MTMR3: variants seen among roughly 807,000 people sequenced by gnomAD.
MTMR3 encodes the protein phosphatidylinositol-3,5-bisphosphate 3-phosphatase MTMR3.
Under a neutral mutation model 132.4 loss-of-function variants are expected in MTMR3, and 32 were observed. The ratio of observed to expected loss-of-function variants is 0.24; its 90% CI spans 0.18 to 0.32. The LOEUF is 0.32. Ranked by LOEUF, MTMR3 falls within the 10% of genes least tolerant of loss-of-function variation. The probability of loss-of-function intolerance (pLI) is 1.00; values close to 1 mark genes in which losing one functional copy is unlikely to be tolerated. For missense variants in MTMR3, 1,216 were observed against 1,489.6 expected, an observed-to-expected ratio of 0.82 and a Z score of 3.02; for synonymous variants, 556 against 550.3, an observed-to-expected ratio of 1.01 and a Z score of -0.14.
In MTMR3 at chr22:30,019,940, T is replaced by C. The variant is rs139080545; in HGVS notation, c.2281T>C (p.Phe761Leu). 6.8e-6 allele frequency: 11 copies of C among 1,614,140 alleles called. No individual in the cohort carries two copies. The African/African-American group carries it at 1.2e-4, about 18-fold the overall frequency. ...CCATCTGGATATGAGCTGGCCTCTG[T>C]TCTCACAGGGCATTTCTGAACAGCA... The part of the protein sequence containing the change: ...RSHLDMSWPL[F>L]SQGISEQQSG... The change falls in exon 17 of 20, where the codon TTC (phenylalanine) becomes CTC (leucine). Residue 761 changes from phenylalanine to leucine, a missense_variant. Physicochemically the swap from Phe to Leu is conservative, Grantham distance 22. Transcript: ENST00000401950.
In MTMR3 at chr22:30,025,388, T is replaced by C. The variant is rs2067890150; in HGVS notation, c.3426-242T>C. 3 of 550,882 alleles carry C rather than the reference T, an allele frequency of 5.4e-6. No individual in the cohort carries two copies. In the African/African-American group the frequency reaches 5.7e-5, roughly 10 times the overall value. The allele number at this position is 550,882 out of a possible 1,614,324, so 34.1% of individuals were successfully genotyped here. A position where few individuals can be genotyped will look rare whatever the true frequency, so the allele number is the denominator to read the frequency against. ...TTTTGTATACCTGAGCAGCATTCTT[T>C]TGAGTCAGTGGTGAGGCAGCCAAGA... On this transcript the variant is annotated intron_variant, in intron 19 of 19. Coordinates refer to ENST00000401950, the MANE Select transcript of MTMR3 (RefSeq NM_021090.4).
At chr22:30,023,141 T>C in intron 19 of MTMR3, 1 of 436,198 alleles carries the variant, frequency 2.3e-6, no homozygotes, top group Non-Finnish European at 4.2e-6. Context: ...TGGGAAGTAG[T>C]AGAGACAGCT....
chr22:29,951,867 A>C (rs897382582), intron 1 of MTMR3, among the ~76,000 whole-genome samples: 1 of 151,556 alleles, frequency 6.6e-6, no homozygotes, highest in South Asian at 2.1e-4. Flanking sequence ...TTGCTGGTTC[A>C]AGTGATTTAT....
At chr22:29,951,316 A>G (rs1447303228) in intron 1 of MTMR3, among the ~76,000 whole-genome samples, 1 of 152,148 alleles carries the variant, frequency 6.6e-6, no homozygotes, top group Non-Finnish European at 1.5e-5. Context: ...GATATTATAT[A>G]TGGCTGATAT....
At chr22:30,022,748 C>G in intron 19 of MTMR3, 51 bp downstream of exon 19, 2 of 1,500,894 alleles carry the variant, frequency 1.3e-6, no homozygotes, top group Non-Finnish European at 1.8e-6. Flanking sequence ...GGTTGAGGGT[C>G]GGCCCACAGA....
intron 5 of MTMR3, chr22:29,981,824 A>AAC (rs1294257817): frequency 6.9e-6 from 1 of 144,398 alleles, no homozygotes; most frequent in Non-Finnish European, 1.5e-5. Context: ...CTGTCAAAAA[A>AAC]AAAAAGGAAA....
chr22:30,024,860 C>T (rs1288798761), intron 19 of MTMR3: 2 of 152,588 alleles, frequency 1.3e-5, no homozygotes, highest in African/African-American at 4.8e-5. Flanking sequence ...TGCCTCAGAA[C>T]CCAGCTTTCA....
At chr22:29,938,181 G>GA (rs1351053330) in intron 1 of MTMR3, among the ~76,000 whole-genome samples, 2 of 152,018 alleles carry the variant, frequency 1.3e-5, no homozygotes, top group Non-Finnish European at 2.9e-5. Flanking sequence ...ATTTGGTGTA[G>GA]AAATGGGTGG....
chr22:29,941,770 A>ACCATC (rs2065861678), intron 1 of MTMR3, among the ~76,000 whole-genome samples: 1 of 152,188 alleles, frequency 6.6e-6, no homozygotes, highest in Non-Finnish European at 1.5e-5. Context: ...TATGACATTT[A>ACCATC]TTACCATCTT....
Position 30,020,857 on chromosome 22 carries a change from CTTTA to C in MTMR3, c.3199_3202del (p.Phe1067MetfsTer8), listed in dbSNP as rs1389174123. On this transcript the variant is annotated frameshift_variant, in exon 17 of 20. Transcript: ENST00000401950. LOFTEE classifies it high-confidence loss of function. ...GCCAGTACCTGACCAGCTCCCTACACTTTAATGGAGACTTTGGGGATGAGGTGGT... is the reference window on the plus strand; with the variant it reads ...GCCAGTACCTGACCAGCTCCCTACACATGGAGACTTTGGGGATGAGGTGGT... The C allele has an allele frequency of 6.3e-7, 1 of 1,599,614 alleles. No individual in the cohort carries two copies. The highest frequency in any genetic ancestry group is 8.5e-7 in the Non-Finnish European group (1 of 1,172,262).
intron 1 of MTMR3, among the ~76,000 whole-genome samples, chr22:29,909,884 G>C (rs1379431973): frequency 6.8e-6 from 1 of 146,600 alleles, no homozygotes; most frequent in Non-Finnish European, 1.5e-5. Context: ...GGCCGGGTGC[G>C]GTGGCTCACG....
intron 1 of MTMR3, among the ~76,000 whole-genome samples, chr22:29,947,853 G>C (rs1298834350): frequency 6.6e-6 from 1 of 152,096 alleles, no homozygotes; most frequent in Non-Finnish European, 1.5e-5. Context: ...CTTTTCTGGG[G>C]GTATGTTGAA....
At chr22:29,883,636 T>G (rs1413339198) in intron 1 of MTMR3, among the ~76,000 whole-genome samples, 1 of 152,076 alleles carries the variant, frequency 6.6e-6, no homozygotes, top group Non-Finnish European at 1.5e-5. Context: ...GGGCTCGGGC[T>G]GCCTTCCCAG....
rs1402458654 is a variant in MTMR3 at position 29,991,522 on chromosome 22, T to C, written c.312T>C (p.Phe104=). 3.1e-6 allele frequency: 5 copies of C among 1,612,654 alleles called. No individual in the cohort carries two copies. Among genetic ancestry groups the C allele is most frequent in the Non-Finnish European group, 4.2e-6 (5 of 1,179,520 alleles). ...CKVIRCQFST[F]EQCQEWLKRL... is the part of the protein sequence containing the mutation. ...ACAAAAGGTGTCAGTTTTCAACCTT[T>C]GAGCAGTGTCAAGAGTGGCTGAAGA... The change falls in exon 7 of 20, where the codon TTT becomes TTC. Residue 104 remains phenylalanine, a synonymous_variant. Coordinates refer to ENST00000401950, the MANE Select transcript of MTMR3 (RefSeq NM_021090.4).
intron 1 of MTMR3, among the ~76,000 whole-genome samples, chr22:29,906,265 T>C (rs923181966): frequency 1.0e-3 from 86 of 86,206 alleles, no homozygotes; most frequent in East Asian, 5.3e-3. Context: ...TCTGTCTGTC[T>C]GTCTGTCTGT....
chr22:29,920,188 T>C (rs1456365761), intron 1 of MTMR3, among the ~76,000 whole-genome samples: 2 of 149,382 alleles, frequency 1.3e-5, no homozygotes, highest in Admixed American at 6.8e-5. Flanking sequence ...CACTGCAGCC[T>C]GGGCGACAGA....
intron 3 of MTMR3, among the ~76,000 whole-genome samples, chr22:29,977,636 T>C (rs937174676): frequency 1.3e-5 from 2 of 152,192 alleles, no homozygotes; most frequent in Non-Finnish European, 2.9e-5. Context: ...GTAGACACAA[T>C]GGTAGAGATA....
At position 29,979,012 on chromosome 22, in the gene MTMR3, A is replaced by G. The variant is rs766503182; in HGVS notation, c.170A>G (p.Asn57Ser). ...GAGGATGCCATCATTGCCCTTTCCAATTACAGACTTCACATCAAGTTCAAG... is the reference window on the plus strand; with the variant it reads ...GAGGATGCCATCATTGCCCTTTCCAGTTACAGACTTCACATCAAGTTCAAG... ...RAEDAIIALS[N>S]YRLHIKFKES... Residue 57 changes from asparagine (N) to serine (S), a missense_variant, in exon 5 of 20, where the codon AAT (asparagine) becomes AGT (serine). Asn to Ser is a conservative substitution (Grantham distance 46). Around this residue, in one of 7 missense-constraint regions of MTMR3, gnomAD observed 81 missense variants for 87.7 expected, o/e 0.92. Coordinates refer to ENST00000401950, the MANE Select transcript of MTMR3 (RefSeq NM_021090.4). 9.9e-5 allele frequency: 160 copies of G among 1,613,584 alleles called. 1 individual carries two copies. Among genetic ancestry groups the G allele is most frequent in the South Asian group, 1.1e-4 (10 of 91,084 alleles).
chr22:29,996,870 G>A (rs550801358), intron 7 of MTMR3: 1 of 152,226 alleles, frequency 6.6e-6, no homozygotes, highest in Middle Eastern at 3.4e-3. Context: ...TGGGACTATA[G>A]GCATGGACCA....
Sources: allele counts gnomAD v4.1 joint callset (sites outside exome capture counted in the v4.1 genomes callset), GRCh38; gene constraint gnomAD v4.1.1; regional missense constraint gnomAD v4.1.1; transcripts MANE v1.5; gene names NCBI Gene and HGNC (gene_info 2026-07-23, HGNC 2026-07-21).